Variants in HS3ST3B1 observed in about 807,000 individuals in gnomAD.
HS3ST3B1 encodes heparan sulfate glucosamine 3-O-sulfotransferase 3B1.
Under a neutral mutation model 21.3 loss-of-function variants are expected in HS3ST3B1, and 13 were observed. The ratio of observed to expected loss-of-function variants is 0.61; its 90% CI spans 0.40 to 0.97. The LOEUF (loss-of-function observed/expected upper bound fraction) is 0.97. HS3ST3B1 is among the 50% of genes least tolerant of loss of function. The probability of loss-of-function intolerance (pLI) is 0.00; values close to 1 mark genes in which losing one functional copy is unlikely to be tolerated. For synonymous variants in HS3ST3B1, 234 were observed against 254.8 expected, an observed-to-expected ratio of 0.92 and a Z score of 0.78; for missense variants, 459 against 554.8, an observed-to-expected ratio of 0.83 and a Z score of 1.73.
At position 14,301,650 on chromosome 17, in the gene HS3ST3B1, CTA is replaced by C; in HGVS notation, c.136_137del (p.Met46ValfsTer313). On this transcript the variant is annotated frameshift_variant, in exon 1 of 2. Coordinates refer to ENST00000360954, the MANE Select transcript of HS3ST3B1 (RefSeq NM_006041.3). LOFTEE classifies it high-confidence loss of function. ...TCTTCGCCATGCTCTGCGTCTGGCT[CTA>C]TATGTTCCTGTACTCGTGCGCCGGC... is the stretch of plus-strand genomic sequence containing the variant. ...LLFAMLCVWL[Y>X]MFLYSCAGSC... The C allele has an allele frequency of 6.2e-7, 1 of 1,608,072 alleles. No homozygotes were observed. The highest frequency in any genetic ancestry group is 8.5e-7 in the Non-Finnish European group (1 of 1,178,738).
chr17:14,313,166 C>T (rs1909385962), intron 1 of HS3ST3B1, among the ~76,000 whole-genome samples: 1 of 117,684 alleles, frequency 8.5e-6, no homozygotes, highest in South Asian at 3.3e-4. Flanking sequence ...GACAGGGTTT[C>T]ACCATATTGG....
chr17:14,343,315 A>AT (rs1910448003), intron 1 of HS3ST3B1, among the ~76,000 whole-genome samples: 1 of 152,156 alleles, frequency 6.6e-6, no homozygotes, highest in Admixed American at 6.5e-5. Context: ...CCAACTTATC[A>AT]TTTTTTGTGT....
At chr17:14,317,916 A>G (rs1909547223) in intron 1 of HS3ST3B1, among the ~76,000 whole-genome samples, 3 of 98,064 alleles carry the variant, frequency 3.1e-5, no homozygotes. Context: ...CAGAGAAAGC[A>G]GAAAACACAT....
chr17:14,313,124 G>GTGTGTATATATATATATA lies in HS3ST3B1; in HGVS notation c.554+11057_554+11058insATATATATATATATGTGT, dbSNP rs1567637231. Among the ~76,000 whole-genome samples, 95 of 128,750 alleles carry GTGTGTATATATATATATA rather than the reference G, an allele frequency of 7.4e-4. 1 individual carries two copies. Among genetic ancestry groups the GTGTGTATATATATATATA allele is most frequent in the African/African-American group, 2.9e-3 (88 of 30,302 alleles). 84.5% of individuals were successfully genotyped at this position (128,750 alleles called of 152,430 possible). On this transcript the variant is annotated intron_variant, in intron 1 of 1. Coordinates refer to ENST00000360954, the MANE Select transcript of HS3ST3B1 (RefSeq NM_006041.3). ...TGTGTGTGTGTATATATATATATATGTGTGTGTGTGTATATATATATTTTT... is the reference window on the plus strand; with the variant it reads ...TGTGTGTGTGTATATATATATATATGTGTGTATATATATATATATGTGTGTGTGTATATATATATTTTT...
intron 1 of HS3ST3B1, among the ~76,000 whole-genome samples, chr17:14,321,611 T>C (rs1773206910): frequency 6.6e-6 from 1 of 152,198 alleles, no homozygotes; most frequent in Non-Finnish European, 1.5e-5. Context: ...CAGAGCCTTT[T>C]AGGTGAGCTG....
intron 1 of HS3ST3B1, among the ~76,000 whole-genome samples, chr17:14,311,285 C>G (rs959469560): frequency 6.6e-6 from 1 of 151,054 alleles, no homozygotes; most frequent in Admixed American, 6.6e-5. Context: ...ACTATGTTAA[C>G]CCAGGCTGGT....
intron 1 of HS3ST3B1, among the ~76,000 whole-genome samples, chr17:14,313,337 A>G (rs1909392158): frequency 6.6e-6 from 1 of 151,522 alleles, no homozygotes; most frequent in East Asian, 1.9e-4. Flanking sequence ...CTTGGCCCTT[A>G]CTTACTCTGC....
chr17:14,337,632 T>C (rs1276986342), intron 1 of HS3ST3B1, among the ~76,000 whole-genome samples: 1 of 148,438 alleles, frequency 6.7e-6, no homozygotes, highest in Admixed American at 6.7e-5. Flanking sequence ...CCATTGCACC[T>C]GACCTGCCTG....
intron 1 of HS3ST3B1, among the ~76,000 whole-genome samples, chr17:14,306,067 G>A (rs1485042295): frequency 6.6e-6 from 1 of 152,164 alleles, no homozygotes; most frequent in Non-Finnish European, 1.5e-5. Context: ...TATAGCATGG[G>A]TCCAAAACTG....
At chr17:14,312,755 T>C (rs1909348295) in intron 1 of HS3ST3B1, among the ~76,000 whole-genome samples, 1 of 152,048 alleles carries the variant, frequency 6.6e-6, no homozygotes, top group Non-Finnish European at 1.5e-5. Context: ...ACTCAGGGTC[T>C]CAGCTCTTGG....
intron 1 of HS3ST3B1, among the ~76,000 whole-genome samples, chr17:14,315,386 C>T (rs997238440): frequency 1.3e-5 from 2 of 152,200 alleles, no homozygotes; most frequent in African/African-American, 4.8e-5. Context: ...TGATCATGGC[C>T]TTGGATGCTG....
chr17:14,307,942 C>T (rs996614109), intron 1 of HS3ST3B1, among the ~76,000 whole-genome samples: 10 of 152,232 alleles, frequency 6.6e-5, no homozygotes, highest in Admixed American at 5.9e-4. Context: ...AAATGAGTCC[C>T]CCAAGTATGT....
At chr17:14,305,018 C>T (rs1363622868) in intron 1 of HS3ST3B1, 1 of 152,182 alleles carries the variant, frequency 6.6e-6, no homozygotes, top group African/African-American at 2.4e-5. Flanking sequence ...GCTCTTCCTT[C>T]CACTTGGCAA....
At position 14,301,580 on chromosome 17, in the gene HS3ST3B1, AGCCGCC is replaced by A; in HGVS notation, c.69_74del (p.Pro27_Pro28del). ...GATGTCCCCGGCCGGCTCCTACCGC[AGCCGCC>A]GCCGCCCCCGCCGCCGGTGAGGAGG... On this transcript the variant is annotated inframe_deletion, in exon 1 of 2. Coordinates refer to ENST00000360954, the MANE Select transcript of HS3ST3B1 (RefSeq NM_006041.3). 6.3e-7 allele frequency: 1 copy of A among 1,598,468 alleles called. No individual in the cohort carries two copies. Among genetic ancestry groups the A allele is most frequent in the Non-Finnish European group, 8.5e-7 (1 of 1,177,752 alleles).
At chr17:14,302,566 G>A (rs1908972963) in intron 1 of HS3ST3B1, among the ~76,000 whole-genome samples, 1 of 152,140 alleles carries the variant, frequency 6.6e-6, no homozygotes, top group Admixed American at 6.5e-5. Context: ...CGGCGAGGCC[G>A]CAGAGTCTGT....
At chr17:14,333,117 A>G (rs1045727360) in intron 1 of HS3ST3B1, among the ~76,000 whole-genome samples, 1 of 152,064 alleles carries the variant, frequency 6.6e-6, no homozygotes, top group Non-Finnish European at 1.5e-5. Flanking sequence ...GAAAGAAACT[A>G]AAGAGAGATG....
chr17:14,342,289 T>G (rs776076321), intron 1 of HS3ST3B1, among the ~76,000 whole-genome samples: 4 of 152,176 alleles, frequency 2.6e-5, no homozygotes, highest in Non-Finnish European at 4.4e-5. Context: ...CAGGAATCAG[T>G]TGGAAATCTC....
intron 1 of HS3ST3B1, among the ~76,000 whole-genome samples, chr17:14,313,150 A>ATATGTGT (rs1347236175): frequency 6.7e-6 from 1 of 150,184 alleles, no homozygotes; most frequent in Non-Finnish European, 1.5e-5. Context: ...ATATATTTTT[A>ATATGTGT]GTAGAGACAG....
chr17:14,315,236 C>G (rs1283270653), intron 1 of HS3ST3B1, among the ~76,000 whole-genome samples: 1 of 152,086 alleles, frequency 6.6e-6, no homozygotes, highest in African/African-American at 2.4e-5. Context: ...AGTTCTCAGC[C>G]AACTCTCCTG....
Sources: gnomAD v4.1 joint callset for allele counts (sites outside exome capture counted in the v4.1 genomes callset) on GRCh38, gnomAD v4.1.1 for gene constraint, MANE v1.5 for transcripts, NCBI Gene and HGNC (gene_info 2026-07-23, HGNC 2026-07-21) for gene names.